Variants in INPP4B observed in about 807,000 individuals in gnomAD.
The protein encoded by INPP4B is inositol polyphosphate-4-phosphatase type II B, also known as inositol polyphosphate 4-phosphatase type II.
In INPP4B, 55 loss-of-function variants were observed where a neutral mutation model predicts 122.5. The observed-to-expected ratio is 0.45, with a 90% CI of 0.36 to 0.56. INPP4B has a LOEUF of 0.56. INPP4B is among the 20% of genes least tolerant of loss of function. The pLI, the probability that INPP4B is intolerant of heterozygous loss-of-function variation, is 0.00. For synonymous variants in INPP4B, 403 were observed against 388.7 expected, an observed-to-expected ratio of 1.04 and a Z score of -0.43; for missense variants, 1,000 against 1,097.7, an observed-to-expected ratio of 0.91 and a Z score of 1.26.
chr4:142,430,455 TAGG>T (rs1382704048), intron 4 of INPP4B, among the ~76,000 whole-genome samples: 2 of 152,220 alleles, frequency 1.3e-5, no homozygotes, highest in African/African-American at 4.8e-5. Context: ...AAGAGAAGGT[TAGG>T]CATATATTTG....
At chr4:142,640,978 G>T (rs1267632756) in intron 2 of INPP4B, among the ~76,000 whole-genome samples, 1 of 152,140 alleles carries the variant, frequency 6.6e-6, no homozygotes, top group Admixed American at 6.6e-5. Context: ...GCTGCTGATA[G>T]GAATATAAAT....
intron 16 of INPP4B, among the ~76,000 whole-genome samples, chr4:142,171,964 T>G (rs1185127208): frequency 2.6e-5 from 4 of 151,870 alleles, no homozygotes; most frequent in Non-Finnish European, 5.9e-5. Flanking sequence ...CGCTAAAATT[T>G]TCAGCTTAGG....
intron 15 of INPP4B, among the ~76,000 whole-genome samples, chr4:142,181,474 C>T (rs1054475897): frequency 4.6e-5 from 7 of 152,186 alleles, no homozygotes; most frequent in African/African-American, 1.2e-4. Context: ...CTTTCCAACA[C>T]ATTCACTGAT....
intron 2 of INPP4B, among the ~76,000 whole-genome samples, chr4:142,653,933 T>C (rs1753574752): frequency 6.6e-6 from 1 of 152,104 alleles, no homozygotes; most frequent in African/African-American, 2.4e-5. Flanking sequence ...ATGTTTACTG[T>C]GGTATTATTC....
chr4:142,646,269 A>T (rs1475337000), intron 2 of INPP4B, among the ~76,000 whole-genome samples: 1 of 152,234 alleles, frequency 6.6e-6, no homozygotes, highest in Non-Finnish European at 1.5e-5. Context: ...CACAACTAAC[A>T]GCCTAACACA....
rs117129935 is a variant in INPP4B, at chr4:142,802,854, C to T, written c.-254+43355G>A. ...CTGTGCAAAATAATGAAGTTGAACG[C>T]GGTATCTGGTAGGATGTAAGAAATG... On this transcript the variant is annotated intron_variant, in intron 1 of 25. Coordinates refer to ENST00000262992, the MANE Select transcript of INPP4B (RefSeq NM_001101669.3). Among the ~76,000 whole-genome samples, 1,089 of 151,420 alleles carry T rather than the reference C, an allele frequency of 7.2e-3. 11 individuals carry two copies. Among genetic ancestry groups the T allele is most frequent in the East Asian group, 0.042 (217 of 5,132 alleles).
chr4:142,060,072 T>C (rs1759764014), intron 25 of INPP4B, among the ~76,000 whole-genome samples: 1 of 152,198 alleles, frequency 6.6e-6, no homozygotes, highest in African/African-American at 2.4e-5. Context: ...ACGTGACTGA[T>C]TTTTGGTTTT....
At position 142,084,796 on chromosome 4, in the gene INPP4B, A is replaced by G. The variant is rs143099823; in HGVS notation, c.2487+1348T>C. ...CTAAAATACACATTTGTGTTTATAC[A>G]TGTGTATCCTTAATTTATCTATTTA... On this transcript the variant is annotated intron_variant, in intron 24 of 25. Transcript: ENST00000262992. 4.7e-4 allele frequency among the ~76,000 whole-genome samples: 71 copies of G among 152,268 alleles called. No homozygotes were observed. The East Asian group carries it at 0.011, about 24-fold the overall frequency.
At chr4:142,178,570 A>T (rs1407165095) in intron 15 of INPP4B, among the ~76,000 whole-genome samples, 1 of 152,030 alleles carries the variant, frequency 6.6e-6, no homozygotes, top group African/African-American at 2.4e-5. Flanking sequence ...CCACTCCTTA[A>T]TCTGTTTGCT....
At chr4:142,111,813 A>T (rs1466141645) in intron 22 of INPP4B, among the ~76,000 whole-genome samples, 1 of 152,036 alleles carries the variant, frequency 6.6e-6, no homozygotes, top group Non-Finnish European at 1.5e-5. Flanking sequence ...GCGTGATCTC[A>T]GCTCAACACA....
chr4:142,312,290 C>A (rs1474190177), intron 8 of INPP4B, among the ~76,000 whole-genome samples: 1 of 152,132 alleles, frequency 6.6e-6, no homozygotes, highest in African/African-American at 2.4e-5. Context: ...TAATATAAAG[C>A]TAGGGCTAGA....
chr4:142,373,921 G>C (rs1392741620), intron 7 of INPP4B, among the ~76,000 whole-genome samples: 1 of 151,768 alleles, frequency 6.6e-6, no homozygotes, highest in Admixed American at 6.6e-5. Flanking sequence ...ATTAAGAACA[G>C]CAGCAATATA....
chr4:142,466,762 G>T (rs1354992838), intron 2 of INPP4B, among the ~76,000 whole-genome samples: 1 of 152,172 alleles, frequency 6.6e-6, no homozygotes, highest in African/African-American at 2.4e-5. Flanking sequence ...CAGAGGCCTA[G>T]GAGGAAAGAA....
rs28612995 is a variant in INPP4B, at chr4:142,323,537, T to C, written c.373-8775A>G. 3.7e-3 allele frequency among the ~76,000 whole-genome samples: 554 copies of C among 149,260 alleles called. 1 individual carries two copies. Among genetic ancestry groups the C allele is most frequent in the African/African-American group, 0.013 (517 of 40,662 alleles). On this transcript the variant is annotated intron_variant, in intron 7 of 25. Transcript: ENST00000262992. ...CTTGGCTCACTGCAAGCTCTGCCTC[T>C]CGGTTTCACACCATTCTCTTGCCTC...
At chr4:142,533,549 G>A (rs572200936) in intron 2 of INPP4B, among the ~76,000 whole-genome samples, 1 of 152,036 alleles carries the variant, frequency 6.6e-6, no homozygotes, top group East Asian at 1.9e-4. Flanking sequence ...AACTGCTGTT[G>A]ACATTTTTAA....
At chr4:142,573,935 G>T (rs559327307) in intron 2 of INPP4B, among the ~76,000 whole-genome samples, 1 of 152,036 alleles carries the variant, frequency 6.6e-6, no homozygotes, top group South Asian at 2.1e-4. Flanking sequence ...TATTTGCATA[G>T]AATTCTATAA....
intron 7 of INPP4B, among the ~76,000 whole-genome samples, chr4:142,350,911 A>G (rs1057514162): frequency 5.9e-5 from 9 of 151,940 alleles, no homozygotes; most frequent in Non-Finnish European, 1.2e-4. Flanking sequence ...TGATGGCTCT[A>G]TGTTAGGCTC....
chr4:142,367,480 A>C (rs969199244), intron 7 of INPP4B, among the ~76,000 whole-genome samples: 1 of 152,026 alleles, frequency 6.6e-6, no homozygotes, highest in African/African-American at 2.4e-5. Context: ...CTTCTTTATT[A>C]ATATGTTTTA....
At chr4:142,241,135 T>C (rs769614944) in intron 11 of INPP4B, among the ~76,000 whole-genome samples, 2 of 152,200 alleles carry the variant, frequency 1.3e-5, no homozygotes, top group Non-Finnish European at 2.9e-5. Context: ...ATGCAGGAGA[T>C]GGCTTGCTAT....
Sources: gnomAD v4.1 joint callset for allele counts (sites outside exome capture counted in the v4.1 genomes callset) on GRCh38, gnomAD v4.1.1 for gene constraint, MANE v1.5 for transcripts, NCBI Gene and HGNC (gene_info 2026-07-23, HGNC 2026-07-21) for gene names.